CD58: variants seen among roughly 807,000 people sequenced by gnomAD.
CD58 encodes CD58 molecule, also known as lymphocyte function-associated antigen 3.
Under a neutral mutation model 27.6 loss-of-function variants are expected in CD58, and 14 were observed. The observed-to-expected ratio is 0.51, with a 90% CI of 0.34 to 0.79. The LOEUF is 0.79. Among genes scored for constraint, CD58 ranks in the 30% least tolerant of loss-of-function variants. The pLI, the probability that CD58 is intolerant of heterozygous loss-of-function variation, is 0.02. For missense variants in CD58, 268 were observed against 301.7 expected, an observed-to-expected ratio of 0.89 and a Z score of 0.83; for synonymous variants, 117 against 103.8, an observed-to-expected ratio of 1.13 and a Z score of -0.77.
chr1:116,520,710 A>G (rs1175477225), intron 4 of CD58, among the ~76,000 whole-genome samples: 2 of 152,186 alleles, frequency 1.3e-5, no homozygotes, highest in East Asian at 3.8e-4. Flanking sequence ...GGGGATTAAA[A>G]TAGATTTTTA....
rs1657321472 is a variant in CD58 at position 116,523,128 on chromosome 1, T to C, written c.629-1145A>G. Among the ~76,000 whole-genome samples, 1 of 152,222 alleles carries C rather than the reference T, an allele frequency of 6.6e-6. No homozygotes were observed. The highest frequency in any genetic ancestry group is 6.5e-5 in the Admixed American group (1 of 15,288). On this transcript the variant is annotated intron_variant, in intron 3 of 5. Transcript: ENST00000369489. This position sits in a 1 kb window ranked among gnomAD's most constrained non-coding sequence, Gnocchi z 4.4. ...GATGTTATCCTGGGGAAAATATCAA[T>C]GATGTGCCCTTCTACTCCCCGCAAA...
At chr1:116,533,791 G>A in intron 3 of CD58, 1 of 736,840 alleles carries the variant, frequency 1.4e-6, no homozygotes, top group Non-Finnish European at 2.5e-6. Context: ...GTCAAAGAGA[G>A]GCTGGTATAA....
In CD58 at chr1:116,541,099, A is replaced by G. The variant is rs1216270805; in HGVS notation, c.364+3212T>C. On this transcript the variant is annotated intron_variant, in intron 2 of 5. Coordinates refer to ENST00000369489, the MANE Select transcript of CD58 (RefSeq NM_001779.3). The surrounding 1 kb of genome is among the most constrained non-coding windows in gnomAD (Gnocchi z 5.3). ...GCTGGGATTATAGCCTTGAGCCACA[A>G]TGCCCGGCCTAGAATATTTTAAATT... is the stretch of plus-strand genomic sequence containing the variant. 2.0e-5 allele frequency among the ~76,000 whole-genome samples: 3 copies of G among 152,216 alleles called. No homozygotes were observed. The highest frequency in any genetic ancestry group is 2.0e-4 in the Admixed American group (3 of 15,284).
rs564877223 is a variant in CD58, at chr1:116,546,057, C to T, written c.71-1453G>A. 1.3e-5 allele frequency among the ~76,000 whole-genome samples: 2 copies of T among 152,234 alleles called. No individual in the cohort carries two copies. Among genetic ancestry groups the T allele is most frequent in the Admixed American group, 1.3e-4 (2 of 15,290 alleles). ...GCTGGGCATGGCACACACCTGTGGT[C>T]CCCAGCTACTTGGGAGGCTGAAGAG... On this transcript the variant is annotated intron_variant, in intron 1 of 5. Coordinates refer to ENST00000369489, the MANE Select transcript of CD58 (RefSeq NM_001779.3). The surrounding 1 kb of genome is among the most constrained non-coding windows in gnomAD (Gnocchi z 4.1).
At position 116,570,931 on chromosome 1, in the gene CD58, G is replaced by T; in HGVS notation, c.42C>A (p.Leu14=). Residue 14 remains leucine (L), a synonymous_variant, in exon 1 of 6, where the codon CTC becomes CTA. Transcript: ENST00000369489. This position sits in a 1 kb window ranked among gnomAD's most constrained non-coding sequence, Gnocchi z 6.4. ...GSDAGRALGV[L]SVVCLLHCFG... is the part of the protein sequence containing the mutation. ...AGCAGTGCAGCAGGCAGACCACGCT[G>T]AGGACCCCCAGGGCCCGCCCCGCGT... 6.4e-7 allele frequency: 1 copy of T among 1,569,612 alleles called. No individual in the cohort carries two copies.
intron 1 of CD58, among the ~76,000 whole-genome samples, chr1:116,565,977 A>C (rs1470864918): frequency 2.6e-5 from 4 of 152,166 alleles, no homozygotes; most frequent in Admixed American, 2.0e-4. Flanking sequence ...TTGGCCTCCC[A>C]AAGTGCTGGG....
In CD58 at chr1:116,515,824, C is replaced by T. The variant is rs1426735123; in HGVS notation, c.744-1002G>A. 6.6e-6 allele frequency among the ~76,000 whole-genome samples: 1 copy of T among 152,198 alleles called. No homozygotes were observed. Among genetic ancestry groups the T allele is most frequent in the South Asian group, 2.1e-4 (1 of 4,834 alleles). On this transcript the variant is annotated intron_variant, in intron 5 of 5. Coordinates refer to ENST00000369489, the MANE Select transcript of CD58 (RefSeq NM_001779.3). This position sits in a 1 kb window ranked among gnomAD's most constrained non-coding sequence, Gnocchi z 4.6. ...TACCAGGGCACTCAGAAATTGCCTACGTTGAACTGCCTGGGTGAGAAGTGT... is the reference window on the plus strand; with the variant it reads ...TACCAGGGCACTCAGAAATTGCCTATGTTGAACTGCCTGGGTGAGAAGTGT...
At chr1:116,567,418 T>C (rs1412034849) in intron 1 of CD58, among the ~76,000 whole-genome samples, 2 of 152,002 alleles carry the variant, frequency 1.3e-5, no homozygotes, top group African/African-American at 4.8e-5. Context: ...GGAGGATCAC[T>C]TGAGCCCAGG....
rs981416637 is a variant in CD58 at position 116,527,836 on chromosome 1, T to A, written c.629-5853A>T. Reference sequence around the variant, plus strand: ...GTTTTGGAAGATTATTAATTACTGATCTGATTTATTTAAACTGCCAGGCTG... The same window carrying A: ...GTTTTGGAAGATTATTAATTACTGAACTGATTTATTTAAACTGCCAGGCTG... On this transcript the variant is annotated intron_variant, in intron 3 of 5. Transcript: ENST00000369489. The surrounding 1 kb of genome is among the most constrained non-coding windows in gnomAD (Gnocchi z 4.4). 1.3e-5 allele frequency among the ~76,000 whole-genome samples: 2 copies of A among 152,182 alleles called. No homozygotes were observed. The highest frequency in any genetic ancestry group is 2.9e-5 in the Non-Finnish European group (2 of 68,046).
intron 1 of CD58, among the ~76,000 whole-genome samples, chr1:116,566,868 G>C (rs1005406883): frequency 6.6e-6 from 1 of 152,000 alleles, no homozygotes; most frequent in African/African-American, 2.4e-5. Flanking sequence ...AAATTGCTGG[G>C]TGGCTCATGC....
chr1:116,525,159 TA>T (rs1657389065), intron 3 of CD58, among the ~76,000 whole-genome samples: 1 of 152,262 alleles, frequency 6.6e-6, no homozygotes, highest in African/African-American at 2.4e-5. Flanking sequence ...TACAGTATCA[TA>T]CAGAGTATTT....
At chr1:116,540,940 G>A (rs1440310827) in intron 2 of CD58, among the ~76,000 whole-genome samples, 1 of 152,110 alleles carries the variant, frequency 6.6e-6, no homozygotes, top group East Asian at 1.9e-4. Flanking sequence ...CTCTTGAGTA[G>A]CTGGGACTAC....
chr1:116,516,159 GC>G lies in CD58; in HGVS notation c.744-1338del, dbSNP rs2101149558. On this transcript the variant is annotated intron_variant, in intron 5 of 5. Coordinates refer to ENST00000369489, the MANE Select transcript of CD58 (RefSeq NM_001779.3). This position sits in a 1 kb window ranked among gnomAD's most constrained non-coding sequence, Gnocchi z 6.1. ...TCCTCGCACCTCAGCCTCCCAAGTA[GC>G]TGAGACTACAGGTGTGTGCTACCAT... is the stretch of plus-strand genomic sequence containing the variant. 6.6e-6 allele frequency among the ~76,000 whole-genome samples: 1 copy of G among 152,234 alleles called. No homozygotes were observed. Among genetic ancestry groups the G allele is most frequent in the Admixed American group, 6.5e-5 (1 of 15,296 alleles).
In CD58 at chr1:116,534,441, G is replaced by C. The variant is rs765890915; in HGVS notation, c.628+1524C>G. ...TCCTCCGGGTGCGCCGCGGCCCTCC[G>C]GGTACGCGGGGCTGGCTGGGCTAGC... is the stretch of plus-strand genomic sequence containing the variant. On this transcript the variant is annotated intron_variant, in intron 3 of 5. Transcript: ENST00000369489. The surrounding 1 kb of genome is among the most constrained non-coding windows in gnomAD (Gnocchi z 5.3). Among the ~76,000 whole-genome samples, 1 of 152,184 alleles carries C rather than the reference G, an allele frequency of 6.6e-6. No individual in the cohort carries two copies. The highest frequency in any genetic ancestry group is 1.5e-5 in the Non-Finnish European group (1 of 68,026).
intron 3 of CD58, among the ~76,000 whole-genome samples, chr1:116,535,713 C>A (rs1472173632): frequency 1.5e-5 from 2 of 129,228 alleles, no homozygotes; most frequent in Non-Finnish European, 3.1e-5. Flanking sequence ...TGGTGGCGGG[C>A]GCCTGTAGTC....
intron 2 of CD58, among the ~76,000 whole-genome samples, chr1:116,537,350 G>A (rs1022142152): frequency 6.6e-6 from 1 of 152,108 alleles, no homozygotes; most frequent in Non-Finnish European, 1.5e-5. Flanking sequence ...ATATGCAGAG[G>A]AAATACTTTG....
intron 1 of CD58, among the ~76,000 whole-genome samples, chr1:116,553,672 G>A (rs1273155540): frequency 6.6e-6 from 1 of 152,194 alleles, no homozygotes; most frequent in Admixed American, 6.5e-5. Flanking sequence ...AGACATCCAA[G>A]CAAAGATGCC....
intron 2 of CD58, among the ~76,000 whole-genome samples, chr1:116,542,615 A>G (rs533352222): frequency 1.3e-5 from 2 of 152,330 alleles, no homozygotes; most frequent in East Asian, 3.9e-4. Flanking sequence ...TTTTAATGAC[A>G]GTATATATGT....
In CD58 at chr1:116,570,630, G is replaced by T. The variant is rs572792047; in HGVS notation, c.70+273C>A. The stretch of plus-strand genomic sequence containing the variant: ...GAGCTCGGGAGGGGGCCGGCGGGGG[G>T]GCGCAGGCCCCGCAGGAGAGGCTAG... On this transcript the variant is annotated intron_variant, in intron 1 of 5. Coordinates refer to ENST00000369489, the MANE Select transcript of CD58 (RefSeq NM_001779.3). The surrounding 1 kb of genome is among the most constrained non-coding windows in gnomAD (Gnocchi z 6.4). Among the ~76,000 whole-genome samples, 5 of 152,186 alleles carry T rather than the reference G, an allele frequency of 3.3e-5. No individual in the cohort carries two copies. Among genetic ancestry groups the T allele is most frequent in the African/African-American group, 1.2e-4 (5 of 41,452 alleles).
Sources: allele counts gnomAD v4.1 joint callset (sites outside exome capture counted in the v4.1 genomes callset), GRCh38; gene constraint gnomAD v4.1.1; non-coding constraint Gnocchi (gnomAD v3.1); transcripts MANE v1.5; gene names NCBI Gene and HGNC (gene_info 2026-07-23, HGNC 2026-07-21).